The following LHX8 variants were observed in gnomAD, a reference collection of about 807,000 sequenced individuals.
The protein encoded by LHX8 is LIM/homeobox protein Lhx8.
Under a neutral mutation model 40.3 loss-of-function variants are expected in LHX8, and 12 were observed. The ratio of observed to expected loss-of-function variants is 0.30; its 90% CI spans 0.19 to 0.48. The LOEUF (loss-of-function observed/expected upper bound fraction) is 0.48, where lower values mean the gene tolerates loss of function less well. LHX8 is among the 20% of genes least tolerant of loss of function. The pLI is 0.99. For synonymous variants in LHX8, 179 were observed against 162.0 expected, an observed-to-expected ratio of 1.10 and a Z score of -0.80; for missense variants, 344 against 433.7, an observed-to-expected ratio of 0.79 and a Z score of 1.84.
At chr1:75,154,473 C>T (rs1648701565) in intron 7 of LHX8, among the ~76,000 whole-genome samples, 1 of 150,816 alleles carries the variant, frequency 6.6e-6, no homozygotes, top group Non-Finnish European at 1.5e-5. Context: ...TTATTGGAGA[C>T]AAAAAGATAC....
chr1:75,160,467 G>C (rs1463268170), intron 8 of LHX8: 5 of 273,860 alleles, frequency 1.8e-5, no homozygotes, highest in Non-Finnish European at 2.8e-5. Flanking sequence ...GAAACTTGGG[G>C]AAGATCATCC....
At chr1:75,132,882 C>A (rs951365229), upstream of LHX8, 2 of 152,158 alleles carry the variant, frequency 1.3e-5, no homozygotes, top group South Asian at 4.1e-4. Context: ...ATGTTCTGCA[C>A]GACTCTGACT....
upstream of LHX8, chr1:75,130,851 C>A: frequency 2.1e-6 from 2 of 954,522 alleles, no homozygotes; most frequent in South Asian, 1.3e-5. Flanking sequence ...AACCCTGAAC[C>A]AAGTGTGACA....
the LHX8 span, among the ~76,000 whole-genome samples, chr1:75,191,335 C>T: frequency 6.6e-6 from 1 of 152,106 alleles, no homozygotes; most frequent in South Asian, 2.1e-4. Context: ...AATGAAGGTC[C>T]CCATAATAAG....
chr1:75,138,462 CTAAAT>C (rs1188061069), intron 3 of LHX8, among the ~76,000 whole-genome samples: 2 of 152,124 alleles, frequency 1.3e-5, no homozygotes, highest in Non-Finnish European at 2.9e-5. Flanking sequence ...TTAAAAATGA[CTAAAT>C]TAATCTTACT....
chr1:75,168,921 C>T, the LHX8 span, among the ~76,000 whole-genome samples: 1 of 152,212 alleles, frequency 6.6e-6, no homozygotes, highest in East Asian at 1.9e-4. Flanking sequence ...CATCTCCCAC[C>T]TGGACTATTA....
chr1:75,149,961 G>C (rs2100350451), intron 7 of LHX8, among the ~76,000 whole-genome samples: 1 of 152,326 alleles, frequency 6.6e-6, no homozygotes, highest in South Asian at 2.1e-4. Context: ...AAATGACTCT[G>C]CCAGGCTCAG....
At chr1:75,137,679 G>A (rs1310633144) in intron 3 of LHX8, among the ~76,000 whole-genome samples, 1 of 152,336 alleles carries the variant, frequency 6.6e-6, no homozygotes, top group Middle Eastern at 3.4e-3. Context: ...CTCCACCCCA[G>A]TGACGCCCAC....
chr1:75,179,814 GC>G, the LHX8 span, among the ~76,000 whole-genome samples: 1 of 152,098 alleles, frequency 6.6e-6, no homozygotes, highest in Non-Finnish European at 1.5e-5. Flanking sequence ...GCCTGTTTTT[GC>G]AGTGGCTGGT....
chr1:75,190,577 A>G, the LHX8 span, among the ~76,000 whole-genome samples: 1 of 152,344 alleles, frequency 6.6e-6, no homozygotes, highest in African/African-American at 2.4e-5. Context: ...TCCTAAATAA[A>G]TAACTGCTCA....
chr1:75,198,649 C>T, the LHX8 span, among the ~76,000 whole-genome samples: 1 of 152,180 alleles, frequency 6.6e-6, no homozygotes, highest in African/African-American at 2.4e-5. Flanking sequence ...TGTCATTTGC[C>T]TTTCCTTATG....
At chr1:75,144,314 G>T (rs910477758) in intron 6 of LHX8, among the ~76,000 whole-genome samples, 1 of 152,166 alleles carries the variant, frequency 6.6e-6, no homozygotes, top group Non-Finnish European at 1.5e-5. Flanking sequence ...TCTGAAGAGA[G>T]ACATACATGT....
chr1:75,199,372 G>T, the LHX8 span, among the ~76,000 whole-genome samples: 1 of 152,158 alleles, frequency 6.6e-6, no homozygotes, highest in African/African-American at 2.4e-5. Flanking sequence ...AGATTCCAAG[G>T]TTATTCTAAC....
the LHX8 span, among the ~76,000 whole-genome samples, chr1:75,186,602 G>A: frequency 2.6e-5 from 4 of 152,106 alleles, no homozygotes; most frequent in Non-Finnish European, 4.4e-5. Flanking sequence ...AATGGTTTGC[G>A]AGGACATGGT....
chr1:75,188,913 C>G, the LHX8 span, among the ~76,000 whole-genome samples: 1 of 152,158 alleles, frequency 6.6e-6, no homozygotes, highest in African/African-American at 2.4e-5. Context: ...ATGGACACTG[C>G]CTGTTCTGAA....
intron 7 of LHX8, among the ~76,000 whole-genome samples, chr1:75,150,557 T>C (rs942866315): frequency 2.0e-5 from 3 of 151,618 alleles, no homozygotes; most frequent in Non-Finnish European, 4.4e-5. Context: ...ACAGCCAGAG[T>C]TGAGGAAGGA....
intron 7 of LHX8, among the ~76,000 whole-genome samples, chr1:75,150,084 A>G (rs962129133): frequency 1.1e-4 from 17 of 152,140 alleles, no homozygotes; most frequent in Non-Finnish European, 2.1e-4. Flanking sequence ...TCTACAGGAA[A>G]AAAAACAGCC....
chr1:75,128,881 T>C (rs1027312016), intron 1 of LHX8, among the ~76,000 whole-genome samples: 2 of 152,216 alleles, frequency 1.3e-5, no homozygotes, highest in Non-Finnish European at 2.9e-5. Flanking sequence ...CACTCATCTC[T>C]GGAGCCTCTG....
intron 7 of LHX8, among the ~76,000 whole-genome samples, chr1:75,155,808 C>A (rs1006998356): frequency 6.6e-6 from 1 of 152,054 alleles, no homozygotes; most frequent in Non-Finnish European, 1.5e-5. Context: ...AAAGACCTGA[C>A]CTTAACATGC....
Sources: gnomAD v4.1 joint callset for allele counts (sites outside exome capture counted in the v4.1 genomes callset) on GRCh38, gnomAD v4.1.1 for gene constraint, MANE v1.5 for transcripts, NCBI Gene and HGNC (gene_info 2026-07-23, HGNC 2026-07-21) for gene names.